SLC39A10: variants seen among roughly 807,000 people sequenced by gnomAD.
The protein encoded by SLC39A10 is solute carrier family 39 member 10, also known as zinc transporter ZIP10.
SLC39A10 carries 13 observed loss-of-function variants against 65.1 expected under a neutral mutation model. The observed-to-expected ratio is 0.20, with a 90% CI of 0.13 to 0.32. SLC39A10 has a LOEUF of 0.32. SLC39A10 is among the 10% of genes least tolerant of loss of function. The pLI is 1.00. For missense variants in SLC39A10, 831 were observed against 1,018.4 expected (o/e 0.82, Z 2.50); for synonymous variants, 321 against 342.2 (o/e 0.94, Z 0.68).
chr2:195,722,245 A>G (rs1389475295), intron 8 of SLC39A10, among the ~76,000 whole-genome samples: 1 of 152,220 alleles, frequency 6.6e-6, no homozygotes, highest in Non-Finnish European at 1.5e-5. Flanking sequence ...GCTAGAGGGA[A>G]AGGAGTGGGC....
chr2:195,650,115 C>T (rs1296240106), intron 2 of SLC39A10, among the ~76,000 whole-genome samples: 1 of 151,734 alleles, frequency 6.6e-6, no homozygotes, highest in Non-Finnish European at 1.5e-5. Context: ...TTGGCAAGTA[C>T]ACTAAAAATA....
chr2:195,614,276 A>G lies in SLC39A10; in HGVS notation c.-12+8043A>G, dbSNP rs142755850. ...TCAACTGTTTTACTTTGCACCAGTTATACATCTAACCAGATCATGATGGAG... is the reference window on the plus strand; with the variant it reads ...TCAACTGTTTTACTTTGCACCAGTTGTACATCTAACCAGATCATGATGGAG... On this transcript the variant is annotated intron_variant, in intron 2 of 2. Coordinates refer to the SLC39A10 transcript ENST00000458054. Among the ~76,000 whole-genome samples the G allele has an allele frequency of 8.3e-4, 126 of 152,352 alleles. 2 individuals are homozygous for G. The highest frequency in any genetic ancestry group is 4.2e-3 in the East Asian group (22 of 5,196).
intron 3 of SLC39A10, among the ~76,000 whole-genome samples, chr2:195,687,245 T>C (rs1328138420): frequency 1.3e-5 from 2 of 152,152 alleles, no homozygotes; most frequent in African/African-American, 2.4e-5. Flanking sequence ...AAAAATAAAA[T>C]AGATTTATTT....
chr2:195,728,126 T>TTTTAAAACCACAGGA lies in SLC39A10; in HGVS notation c.2147-25_2147-24insCACAGGATTTAAAAC. On this transcript the variant is annotated intron_variant, in intron 8 of 9. Transcript: ENST00000359634. The surrounding 1 kb of genome is among the most constrained non-coding windows in gnomAD (Gnocchi z 4.4). ...CAGATTTGTGTTTTAAATCCTGTGGTTTTAAAACATTCCCATTGTTTCTTA... is the reference window on the plus strand; with the variant it reads ...CAGATTTGTGTTTTAAATCCTGTGGTTTTAAAACCACAGGATTTAAAACATTCCCATTGTTTCTTA... 6.3e-7 allele frequency: 1 copy of TTTTAAAACCACAGGA among 1,578,076 alleles called. No individual in the cohort carries two copies. Among genetic ancestry groups the TTTTAAAACCACAGGA allele is most frequent in the Non-Finnish European group, 8.7e-7 (1 of 1,154,658 alleles).
chr2:195,677,249 C>G (rs1274610054), intron 1 of SLC39A10, among the ~76,000 whole-genome samples: 1 of 152,158 alleles, frequency 6.6e-6, no homozygotes, highest in Non-Finnish European at 1.5e-5. Flanking sequence ...CCCTCTATCT[C>G]TCTTTCAAAA....
intron 1 of SLC39A10, among the ~76,000 whole-genome samples, chr2:195,671,281 A>T (rs1468205151): frequency 6.6e-6 from 1 of 152,242 alleles, no homozygotes; most frequent in Non-Finnish European, 1.5e-5. Context: ...CAGAAATTAT[A>T]CAGTGATAGA....
chr2:195,635,374 A>G (rs1469394944), intron 2 of SLC39A10, among the ~76,000 whole-genome samples: 6 of 152,232 alleles, frequency 3.9e-5, no homozygotes, highest in Admixed American at 2.0e-4. Flanking sequence ...GCAGTGGTCC[A>G]TGGAACCTGG....
At chr2:195,692,248 C>A (rs1690774753) in intron 3 of SLC39A10, among the ~76,000 whole-genome samples, 1 of 152,106 alleles carries the variant, frequency 6.6e-6, no homozygotes, top group South Asian at 2.1e-4. Flanking sequence ...GTGGCTATGG[C>A]CTTATAGCAT....
chr2:195,711,308 T>G (rs894793946), intron 5 of SLC39A10, among the ~76,000 whole-genome samples: 2 of 152,210 alleles, frequency 1.3e-5, no homozygotes, highest in African/African-American at 2.4e-5. Context: ...TTTAATCTCA[T>G]TTTGAACCTA....
intron 1 of SLC39A10, among the ~76,000 whole-genome samples, chr2:195,677,255 C>G (rs983166101): frequency 6.6e-6 from 1 of 152,156 alleles, no homozygotes; most frequent in South Asian, 2.1e-4. Flanking sequence ...ATCTCTCTTT[C>G]AAAAAGTAAT....
chr2:195,679,819 T>C (rs1051057929), intron 1 of SLC39A10, among the ~76,000 whole-genome samples: 1 of 152,246 alleles, frequency 6.6e-6, no homozygotes, highest in African/African-American at 2.4e-5. Context: ...TAAACTAACT[T>C]ATTCTTAAAG....
At chr2:195,725,424 A>G (rs1692202095) in intron 8 of SLC39A10, among the ~76,000 whole-genome samples, 1 of 152,178 alleles carries the variant, frequency 6.6e-6, no homozygotes, top group Non-Finnish European at 1.5e-5. Context: ...AAATAGACAA[A>G]AAGACTTGAA....
rs1019181331 is a variant in SLC39A10, at chr2:195,665,820, T to C, written c.-12+8539T>C. The stretch of plus-strand genomic sequence containing the variant: ...AGCTGATTTTCAGTTCTAACCATTA[T>C]CTATTTAATGAAGAATGATTTTAGT... On this transcript the variant is annotated intron_variant, in intron 1 of 9. Transcript: ENST00000359634. Among the ~76,000 whole-genome samples, 7 of 152,220 alleles carry C rather than the reference T, an allele frequency of 4.6e-5. No individual in the cohort carries two copies. In the East Asian group the frequency reaches 9.6e-4, roughly 21 times the overall value.
intron 3 of SLC39A10, among the ~76,000 whole-genome samples, chr2:195,693,069 T>A (rs1161630782): frequency 1.3e-5 from 2 of 152,236 alleles, no homozygotes; most frequent in Non-Finnish European, 2.9e-5. Context: ...TTTTTCTGCA[T>A]CTATCAAGAT....
At chr2:195,636,949 C>T (rs979626682) in intron 2 of SLC39A10, among the ~76,000 whole-genome samples, 6 of 151,990 alleles carry the variant, frequency 3.9e-5, no homozygotes, top group African/African-American at 1.4e-4. Context: ...TTGGTTTAGA[C>T]TAATAAAATA....
At chr2:195,613,306 T>G (rs1485567685) in intron 2 of SLC39A10, among the ~76,000 whole-genome samples, 1 of 152,192 alleles carries the variant, frequency 6.6e-6, no homozygotes, top group Non-Finnish European at 1.5e-5. Flanking sequence ...TTTTTTTCCT[T>G]TGTCATGTCT....
intron 2 of SLC39A10, among the ~76,000 whole-genome samples, chr2:195,648,481 C>T (rs1347245104): frequency 6.6e-6 from 1 of 152,080 alleles, no homozygotes; most frequent in Non-Finnish European, 1.5e-5. Flanking sequence ...AGTTCAAGAC[C>T]AGTCTGGGCA....
chr2:195,655,342 G>C (rs1411602897), upstream of SLC39A10, among the ~76,000 whole-genome samples: 1 of 152,100 alleles, frequency 6.6e-6, no homozygotes, highest in Non-Finnish European at 1.5e-5. Flanking sequence ...CATTAGCCTT[G>C]TATATCCATA....
intron 3 of SLC39A10, among the ~76,000 whole-genome samples, chr2:195,704,671 T>G (rs2105807950): frequency 6.6e-6 from 1 of 152,304 alleles, no homozygotes; most frequent in Admixed American, 6.5e-5. Context: ...TAAACCTTAT[T>G]TGAGCATATA....
Sources: gnomAD v4.1 joint callset for allele counts (sites outside exome capture counted in the v4.1 genomes callset) on GRCh38, gnomAD v4.1.1 for gene constraint, Gnocchi (gnomAD v3.1) non-coding constraint, MANE v1.5 for transcripts, NCBI Gene and HGNC (gene_info 2026-07-23, HGNC 2026-07-21) for gene names.